The following SFMBT1 variants were observed in gnomAD, a reference collection of about 807,000 sequenced individuals.
SFMBT1 encodes Scm like with four mbt domains 1.
In SFMBT1, 32 loss-of-function variants were observed where a neutral mutation model predicts 108.7. That is an observed-to-expected ratio of 0.29 (90% CI 0.22 to 0.40). The LOEUF (loss-of-function observed/expected upper bound fraction) is 0.40. Among genes scored for constraint, SFMBT1 ranks in the 10% least tolerant of loss-of-function variants. The probability of loss-of-function intolerance (pLI) is 1.00; values close to 1 mark genes in which losing one functional copy is unlikely to be tolerated. For synonymous variants in SFMBT1, 348 were observed against 369.5 expected (o/e 0.94, Z 0.67); for missense variants, 816 against 1,059.6 (o/e 0.77, Z 3.19).
intron 2 of SFMBT1, among the ~76,000 whole-genome samples, chr3:52,966,319 T>C (rs1575407995): frequency 1.4e-5 from 1 of 72,716 alleles, no homozygotes; most frequent in African/African-American, 5.6e-5. Context: ...AAGACTCCCG[T>C]CTCAAAAGAA....
intron 3 of SFMBT1, among the ~76,000 whole-genome samples, chr3:52,947,955 G>C (rs192121139): frequency 4.0e-5 from 6 of 151,842 alleles, no homozygotes; most frequent in Admixed American, 3.9e-4. Context: ...GGCTGCTCTC[G>C]AACTCCTGAC....
At chr3:52,937,330 T>A (rs948964694) in intron 4 of SFMBT1, among the ~76,000 whole-genome samples, 1 of 152,226 alleles carries the variant, frequency 6.6e-6, no homozygotes, top group Non-Finnish European at 1.5e-5. Context: ...TATTTTACTG[T>A]ATTTTTAAGT....
chr3:52,943,057 A>T (rs773107131), intron 4 of SFMBT1, among the ~76,000 whole-genome samples: 4 of 152,138 alleles, frequency 2.6e-5, no homozygotes, highest in Non-Finnish European at 5.9e-5. Flanking sequence ...ACGGGCTTAA[A>T]AACAACCAGA....
intron 2 of SFMBT1, among the ~76,000 whole-genome samples, chr3:52,968,052 T>C (rs1460242756): frequency 2.0e-5 from 3 of 152,166 alleles, no homozygotes; most frequent in Non-Finnish European, 2.9e-5. Flanking sequence ...CAAAATGTAC[T>C]ACAATAGATG....
chr3:53,041,698 C>CAAAAAAAA (rs59502728), intron 1 of SFMBT1, among the ~76,000 whole-genome samples: 5 of 44,132 alleles, frequency 1.1e-4, no homozygotes, highest in Admixed American at 3.4e-4. Context: ...AAGTCTGTCT[C>CAAAAAAAA]AAAAAAAAAA....
chr3:53,000,845 A>C lies in SFMBT1; in HGVS notation c.-130-31587T>G, dbSNP rs994602651. ...GCAAGAAAGGGTATTAATTACAAAA[A>C]TTTTTTAATGGTTTAATACTCAAAT... On this transcript the variant is annotated intron_variant, in intron 1 of 20. Coordinates refer to ENST00000394752, the MANE Select transcript of SFMBT1 (RefSeq NM_016329.4). Among the ~76,000 whole-genome samples the C allele has an allele frequency of 2.7e-5, 4 of 150,262 alleles. 1 individual carries two copies. The highest frequency in any genetic ancestry group is 6.0e-5 in the Non-Finnish European group (4 of 67,116).
At chr3:53,001,798 T>G (rs1559544696) in intron 1 of SFMBT1, among the ~76,000 whole-genome samples, 1 of 147,624 alleles carries the variant, frequency 6.8e-6, no homozygotes, top group Admixed American at 6.9e-5. Flanking sequence ...TGGTGGCTCA[T>G]GACTGTGGTC....
chr3:52,988,765 C>A (rs1371710251), intron 1 of SFMBT1, among the ~76,000 whole-genome samples: 1 of 152,108 alleles, frequency 6.6e-6, no homozygotes, highest in Non-Finnish European at 1.5e-5. Flanking sequence ...AGGAAAAAAA[C>A]CAGCCTAGGT....
At chr3:53,005,160 G>A (rs1181191785) in intron 1 of SFMBT1, among the ~76,000 whole-genome samples, 1 of 151,996 alleles carries the variant, frequency 6.6e-6, no homozygotes, top group Admixed American at 6.6e-5. Context: ...ATAAACACAT[G>A]TTACATACAG....
At chr3:53,040,243 A>G (rs1214022233) in intron 1 of SFMBT1, among the ~76,000 whole-genome samples, 9 of 152,192 alleles carry the variant, frequency 5.9e-5, no homozygotes, top group Non-Finnish European at 8.8e-5. Context: ...AGCCACCTCA[A>G]ATGCTTTTTT....
At chr3:52,967,034 A>G (rs1358407486) in intron 2 of SFMBT1, among the ~76,000 whole-genome samples, 1 of 151,768 alleles carries the variant, frequency 6.6e-6, no homozygotes, top group Non-Finnish European at 1.5e-5. Context: ...ACTACAAATC[A>G]AAATGGAATT....
In SFMBT1 at chr3:52,997,384, A is replaced by G. The variant is rs184564731; in HGVS notation, c.-130-28126T>C. Among the ~76,000 whole-genome samples the G allele has an allele frequency of 1.2e-4, 18 of 149,654 alleles. No individual in the cohort carries two copies. In the East Asian group the frequency reaches 3.5e-3, roughly 29 times the overall value. ...AACCCGTCTCTACTAAAAACACAAA[A>G]AATTAGTCTGATGTGGTGGCAGGCA... On this transcript the variant is annotated intron_variant, in intron 1 of 20. Coordinates refer to ENST00000394752, the MANE Select transcript of SFMBT1 (RefSeq NM_016329.4).
intron 19 of SFMBT1, among the ~76,000 whole-genome samples, chr3:52,906,781 A>G (rs1022085905): frequency 2.0e-5 from 3 of 152,232 alleles, no homozygotes; most frequent in African/African-American, 7.2e-5. Flanking sequence ...AGTTTTCCCA[A>G]AAATAAATGA....
intron 1 of SFMBT1, among the ~76,000 whole-genome samples, chr3:52,970,143 C>T (rs1184214584): frequency 6.6e-6 from 1 of 151,648 alleles, no homozygotes; most frequent in Non-Finnish European, 1.5e-5. Context: ...GGGATATAAG[C>T]CACATACCAA....
intron 15 of SFMBT1, 35 bp from the exon 16 acceptor site, chr3:52,912,682 G>A: frequency 6.7e-7 from 1 of 1,498,086 alleles, no homozygotes; most frequent in Non-Finnish European, 9.3e-7. Context: ...CACAGATTGG[G>A]AAGGAGAAAA....
chr3:53,040,089 A>G (rs1479903516), intron 1 of SFMBT1, among the ~76,000 whole-genome samples: 2 of 152,194 alleles, frequency 1.3e-5, no homozygotes, highest in South Asian at 2.1e-4. Flanking sequence ...CATATTTTAG[A>G]AGAACCGATC....
chr3:52,948,763 C>G lies in SFMBT1; in HGVS notation c.124-5170G>C, dbSNP rs900203630. 4.0e-5 allele frequency among the ~76,000 whole-genome samples: 6 copies of G among 150,416 alleles called. No homozygotes were observed. The East Asian group carries it at 7.8e-4, about 20-fold the overall frequency. ...GTCTCCTGGGCTCAAAGGATCCCCCCACCCCAGCCTCTGATGTAGCTAGGA... is the reference window on the plus strand; with the variant it reads ...GTCTCCTGGGCTCAAAGGATCCCCCGACCCCAGCCTCTGATGTAGCTAGGA... On this transcript the variant is annotated intron_variant, in intron 3 of 20. Transcript: ENST00000394752.
chr3:52,942,380 A>AC (rs1187751759), intron 4 of SFMBT1, among the ~76,000 whole-genome samples: 3 of 152,260 alleles, frequency 2.0e-5, no homozygotes, highest in Non-Finnish European at 2.9e-5. Flanking sequence ...TAAACATCAT[A>AC]TATGTCACCA....
chr3:52,986,611 CA>C (rs202120801), intron 1 of SFMBT1, among the ~76,000 whole-genome samples: 3 of 145,952 alleles, frequency 2.1e-5, no homozygotes, highest in Admixed American at 6.8e-5. Flanking sequence ...ACTAAAAATA[CA>C]AAAAAAAAAC....
Sources: gnomAD v4.1 joint callset for allele counts (sites outside exome capture counted in the v4.1 genomes callset) on GRCh38, gnomAD v4.1.1 for gene constraint, MANE v1.5 for transcripts, NCBI Gene and HGNC (gene_info 2026-07-23, HGNC 2026-07-21) for gene names.